Variants in DENND1C observed in about 807,000 individuals in gnomAD.
DENND1C encodes the protein DENN domain containing 1C.
Under a neutral mutation model 87.9 loss-of-function variants are expected in DENND1C, and 64 were observed. The ratio of observed to expected loss-of-function variants is 0.73; its 90% CI spans 0.60 to 0.90. The LOEUF is 0.90. DENND1C is among the 40% of genes least tolerant of loss of function. DENND1C has a pLI of 0.00. For synonymous variants in DENND1C, 384 were observed against 424.4 expected, an observed-to-expected ratio of 0.90 and a Z score of 1.17; for missense variants, 980 against 1,037.0, an observed-to-expected ratio of 0.95 and a Z score of 0.76.
chr19:6,478,847 A>G lies in DENND1C; in HGVS notation c.302T>C (p.Leu101Pro), dbSNP rs1407557797. The G allele has an allele frequency of 6.2e-7, 1 of 1,613,886 alleles. No homozygotes were observed. Among genetic ancestry groups the G allele is most frequent in the South Asian group, 1.1e-5 (1 of 91,072 alleles). ...CTTGTAAAACACCTCGAACCAAGGCAGGTGGCTGTGGAGAGAGGAGACAGG... is the reference window on the plus strand; with the variant it reads ...CTTGTAAAACACCTCGAACCAAGGCGGGTGGCTGTGGAGAGAGGAGACAGG... ...TQSCLCILSH[L>P]PWFEVFYKLL... is the part of the protein sequence containing the mutation. Residue 101 changes from leucine (L) to proline (P), a missense_variant, in exon 6 of 23, where the codon CTG becomes CCG. By Grantham distance (98) the Leu-to-Pro change is moderately conservative (BLOSUM62 -3). Coordinates refer to ENST00000381480, the MANE Select transcript of DENND1C (RefSeq NM_024898.4).
chr19:6,479,814 G>A, intron 3 of DENND1C, 45 bp downstream of exon 3: 2 of 1,613,702 alleles, frequency 1.2e-6, no homozygotes, highest in Non-Finnish European at 1.7e-6. Context: ...CTCCCCCTGG[G>A]AGACTGGCCC....
intron 12 of DENND1C, 37 bp from the exon 13 acceptor site, chr19:6,475,622 A>C: frequency 2.5e-6 from 4 of 1,613,736 alleles, no homozygotes; most frequent in Non-Finnish European, 3.4e-6. Flanking sequence ...AGAGCCCGGG[A>C]GTCCTTGGCA....
intron 15 of DENND1C, among the ~76,000 whole-genome samples, chr19:6,472,166 A>G (rs369131663): frequency 6.6e-4 from 100 of 151,944 alleles, no homozygotes; most frequent in African/African-American, 2.4e-3. Flanking sequence ...GTCCAGCCCT[A>G]TGTGCCACCC....
At chr19:6,470,108 A>G (rs961826803) in intron 18 of DENND1C, 187 bp downstream of exon 18, 2 of 606,110 alleles carry the variant, frequency 3.3e-6, no homozygotes, top group African/African-American at 3.7e-5. Context: ...AAAAATGAGT[A>G]TAATAAATAA....
chr19:6,471,356 G>C, intron 16 of DENND1C, 50 bp downstream of exon 16: 1 of 1,589,810 alleles, frequency 6.3e-7, no homozygotes, highest in Non-Finnish European at 8.6e-7. Flanking sequence ...TGAGGCTGGG[G>C]GTGCTGGTGG....
chr19:6,475,220 T>C (rs2092851482), intron 14 of DENND1C, 54 bp downstream of exon 14: 1 of 1,607,044 alleles, frequency 6.2e-7, no homozygotes, highest in Non-Finnish European at 8.5e-7. Flanking sequence ...ATCGTTACAT[T>C]GCGATTCATT....
chr19:6,473,513 CG>C (rs2092841838), intron 14 of DENND1C, among the ~76,000 whole-genome samples: 1 of 149,650 alleles, frequency 6.7e-6, no homozygotes, highest in Non-Finnish European at 1.5e-5. Flanking sequence ...CTCTGTCACC[CG>C]TGCTGGAGTG....
At chr19:6,478,232 G>A (rs917793679) in intron 6 of DENND1C, among the ~76,000 whole-genome samples, 1 of 151,920 alleles carries the variant, frequency 6.6e-6, no homozygotes, top group African/African-American at 2.4e-5. Context: ...GCACCACCAC[G>A]CCTGGCTAAT....
intron 15 of DENND1C, 22 bp downstream of exon 15, chr19:6,472,867 G>T: frequency 6.7e-7 from 1 of 1,482,194 alleles, no homozygotes; most frequent in South Asian, 1.4e-5. Flanking sequence ...GTCCCAGCTG[G>T]ACCCTCAGGG....
Position 6,479,062 on chromosome 19 carries a change from G to A in DENND1C, c.177-6C>T, listed in dbSNP as rs1220962029. 6.2e-7 allele frequency: 1 copy of A among 1,613,682 alleles called. No individual in the cohort carries two copies. Among genetic ancestry groups the A allele is most frequent in the Non-Finnish European group, 8.5e-7 (1 of 1,179,784 alleles). ...CGGCGGGGCTGGGGGGCTCCCTGGA[G>A]TGGGAAGGGCTGTTAGAGAGACCTG... On this transcript the variant is annotated splice_region_variant and splice_polypyrimidine_tract_variant and intron_variant, in intron 4 of 22. Transcript: ENST00000381480.
In DENND1C at chr19:6,475,483, C is replaced by T; in HGVS notation, c.927+1G>A. On this transcript the variant is annotated splice_donor_variant, in intron 13 of 22. Coordinates refer to ENST00000381480, the MANE Select transcript of DENND1C (RefSeq NM_024898.4). LOFTEE classifies it high-confidence loss of function. The stretch of plus-strand genomic sequence containing the variant: ...AGGAAGGTGGGAGGGGCGACACTGA[C>T]CACGTCTGGAGGCAGCGCCTGCACG... The T allele has an allele frequency of 6.2e-7, 1 of 1,613,894 alleles. No homozygotes were observed. Among genetic ancestry groups the T allele is most frequent in the Non-Finnish European group, 8.5e-7 (1 of 1,179,862 alleles).
chr19:6,468,973 C>T lies in DENND1C; in HGVS notation c.1408-20G>A, dbSNP rs1322496039. 1.5e-6 allele frequency: 2 copies of T among 1,340,634 alleles called. No homozygotes were observed. Among genetic ancestry groups the T allele is most frequent in the African/African-American group, 1.5e-5 (1 of 66,438 alleles). The allele number at this position is 1,340,634 out of a possible 1,614,324, so 83.0% of individuals were successfully genotyped here. A position where few individuals can be genotyped will look rare whatever the true frequency, so the allele number is the denominator to read the frequency against. On this transcript the variant is annotated intron_variant, in intron 19 of 22. Coordinates refer to ENST00000381480, the MANE Select transcript of DENND1C (RefSeq NM_024898.4). Reference sequence around the variant, plus strand: ...CCCATCCTAGGAAGAGAAGAGTGAACTGGGAACCTCTGCCACAGAGTCTCC... The same window carrying T: ...CCCATCCTAGGAAGAGAAGAGTGAATTGGGAACCTCTGCCACAGAGTCTCC...
intron 15 of DENND1C, 55 bp from the exon 16 acceptor site, chr19:6,471,551 A>G: frequency 6.9e-7 from 1 of 1,456,246 alleles, no homozygotes; most frequent in Non-Finnish European, 9.1e-7. Context: ...GAATGCCAGC[A>G]CTTCGAAGCC....
chr19:6,472,829 C>T, intron 15 of DENND1C, 60 bp downstream of exon 15: 2 of 1,363,410 alleles, frequency 1.5e-6, no homozygotes, highest in Non-Finnish European at 9.6e-7. Flanking sequence ...TTCAGACAAG[C>T]CCTCGGGGAC....
intron 19 of DENND1C, 184 bp downstream of exon 19, chr19:6,469,412 C>T (rs541712608): frequency 1.4e-5 from 9 of 623,926 alleles, no homozygotes; most frequent in African/African-American, 1.1e-4. Flanking sequence ...ACTGCAACCT[C>T]CGCCTTCTAG....
chr19:6,480,539 C>A, intron 1 of DENND1C: 1 of 833,316 alleles, frequency 1.2e-6, no homozygotes, highest in Non-Finnish European at 1.4e-6. Context: ...CCCACCCACC[C>A]ACCTATCCAT....
chr19:6,475,241 C>T, intron 14 of DENND1C, 33 bp downstream of exon 14: 1 of 1,610,874 alleles, frequency 6.2e-7, no homozygotes. Context: ...CAGGAACCCA[C>T]GAGACCTCTC....
At chr19:6,471,199 C>T (rs2092827049) in intron 17 of DENND1C, 66 bp downstream of exon 17, 1 of 1,545,738 alleles carries the variant, frequency 6.5e-7, no homozygotes, top group Non-Finnish European at 8.8e-7. Context: ...TCTATCTCCA[C>T]CTCCTAATGT....
intron 14 of DENND1C, among the ~76,000 whole-genome samples, chr19:6,474,028 G>A (rs1458059110): frequency 6.6e-6 from 1 of 151,814 alleles, no homozygotes; most frequent in Admixed American, 6.6e-5. Flanking sequence ...AACCCCATCT[G>A]TACTAAAAAT....
Sources: gnomAD v4.1 joint callset for allele counts (sites outside exome capture counted in the v4.1 genomes callset) on GRCh38, gnomAD v4.1.1 for gene constraint, MANE v1.5 for transcripts, NCBI Gene and HGNC (gene_info 2026-07-23, HGNC 2026-07-21) for gene names.